TRMT11: variants seen among roughly 807,000 people sequenced by gnomAD.
TRMT11 encodes the protein tRNA (guanine(10)-N(2))-methyltransferase TRMT11.
TRMT11 carries 53 observed loss-of-function variants against 62.8 expected under a neutral mutation model. The ratio of observed to expected loss-of-function variants is 0.84; its 90% CI spans 0.68 to 1.06. TRMT11 has a LOEUF of 1.06. TRMT11 is among the 50% of genes least tolerant of loss of function. The probability of loss-of-function intolerance (pLI) is 0.00; values close to 1 mark genes in which losing one functional copy is unlikely to be tolerated. For synonymous variants in TRMT11, 188 were observed against 190.3 expected, an observed-to-expected ratio of 0.99 and a Z score of 0.10; for missense variants, 556 against 553.4, an observed-to-expected ratio of 1.00 and a Z score of -0.05.
intron 17 of TRMT11, among the ~76,000 whole-genome samples, chr6:126,089,840 C>G (rs1291967346): frequency 6.6e-6 from 1 of 152,008 alleles, no homozygotes; most frequent in Non-Finnish European, 1.5e-5. Context: ...GGATTTTTTT[C>G]CAATGTTAAA....
chr6:126,125,293 G>C lies in TRMT11; in HGVS notation c.*1823+9438G>C, dbSNP rs533204829. On this transcript the variant is annotated intron_variant and NMD_transcript_variant, in intron 21 of 22. Transcript: ENST00000648977. ...ATATGAAGAAATTTTAGGAGGAAGT[G>C]GGGGTAAACATGTGCTTTTACATTC... 1.1e-3 allele frequency among the ~76,000 whole-genome samples: 172 copies of C among 152,118 alleles called. 4 individuals are homozygous for C. The highest frequency in any genetic ancestry group is 0.011 in the Admixed American group (170 of 15,250).
At chr6:126,266,205 T>C in the TRMT11 span, among the ~76,000 whole-genome samples, 1 of 152,208 alleles carries the variant, frequency 6.6e-6, no homozygotes, top group East Asian at 1.9e-4. Flanking sequence ...TAGTGCGTGT[T>C]ATATCTTCCC....
At chr6:126,015,767 G>T (rs1794906339) in intron 11 of TRMT11, among the ~76,000 whole-genome samples, 1 of 152,114 alleles carries the variant, frequency 6.6e-6, no homozygotes, top group South Asian at 2.1e-4. Context: ...GTCTTCTGTG[G>T]TCTGGAATAT....
intron 8 of TRMT11, among the ~76,000 whole-genome samples, chr6:126,010,193 C>G (rs1793967372): frequency 6.6e-6 from 1 of 151,932 alleles, no homozygotes; most frequent in African/African-American, 2.4e-5. Flanking sequence ...GCCTATCATT[C>G]TGTTGAAAAC....
chr6:126,055,991 C>T (rs558176565), intron 17 of TRMT11, among the ~76,000 whole-genome samples: 1 of 152,246 alleles, frequency 6.6e-6, no homozygotes, highest in South Asian at 2.1e-4. Context: ...TGGCTTAGCT[C>T]AATGTCAAAC....
At chr6:125,997,553 G>A (rs1243253848) in intron 3 of TRMT11, among the ~76,000 whole-genome samples, 3 of 152,254 alleles carry the variant, frequency 2.0e-5, no homozygotes, top group Admixed American at 6.5e-5. Context: ...TGTTGTCCAT[G>A]CTGGAGTGCG....
chr6:126,061,417 T>G lies in TRMT11; in HGVS notation c.*1437+8227T>G, dbSNP rs145673689. ...AGGTGAATTATTTGTTTATTTAAAG[T>G]AAAATGGCCTGCTTTCTCTGAAATC... On this transcript the variant is annotated intron_variant and NMD_transcript_variant, in intron 17 of 22. Transcript: ENST00000648977. Among the ~76,000 whole-genome samples the G allele has an allele frequency of 5.5e-3, 834 of 152,342 alleles. 4 individuals carry two copies. The highest frequency in any genetic ancestry group is 0.024 in the Middle Eastern group (7 of 294).
chr6:126,115,031 G>A (rs1777571518), intron 19 of TRMT11, among the ~76,000 whole-genome samples: 1 of 151,860 alleles, frequency 6.6e-6, no homozygotes, highest in Non-Finnish European at 1.5e-5. Context: ...CATTCTCACC[G>A]CCAATCATTT....
chr6:126,098,835 A>G (rs1583874385), intron 17 of TRMT11, among the ~76,000 whole-genome samples: 2 of 152,190 alleles, frequency 1.3e-5, no homozygotes, highest in African/African-American at 4.8e-5. Flanking sequence ...TTCATGTTTC[A>G]GTAGTTTAGG....
chr6:126,099,050 C>T (rs890561827), intron 17 of TRMT11, among the ~76,000 whole-genome samples: 4 of 152,216 alleles, frequency 2.6e-5, no homozygotes, highest in South Asian at 2.1e-4. Flanking sequence ...AGTTGCTTCT[C>T]AGCCTCCCAC....
At chr6:126,271,929 G>A in the TRMT11 span, among the ~76,000 whole-genome samples, 1 of 152,122 alleles carries the variant, frequency 6.6e-6, no homozygotes, top group East Asian at 1.9e-4. Flanking sequence ...CAGACTGCAT[G>A]GACATGAAAT....
intron 21 of TRMT11, among the ~76,000 whole-genome samples, chr6:126,166,938 C>T (rs538852418): frequency 1.3e-5 from 2 of 152,252 alleles, no homozygotes; most frequent in South Asian, 4.1e-4. Context: ...CTACTCAAGC[C>T]TCAATAATGA....
At position 126,158,675 on chromosome 6, in the gene TRMT11, T is replaced by C. The variant is rs561343129; in HGVS notation, c.*1824-16150T>C. 6.6e-5 allele frequency among the ~76,000 whole-genome samples: 10 copies of C among 152,340 alleles called. No individual in the cohort carries two copies. The South Asian group carries it at 1.9e-3, about 28-fold the overall frequency. On this transcript the variant is annotated intron_variant and NMD_transcript_variant, in intron 21 of 22. Coordinates refer to the TRMT11 transcript ENST00000648977. Reference sequence around the variant, plus strand: ...TTACATTCTAAATGCCTTTTACTTATTGCATTTGGTATAAACCAGGTTGCA... The same window carrying C: ...TTACATTCTAAATGCCTTTTACTTACTGCATTTGGTATAAACCAGGTTGCA...
intron 17 of TRMT11, among the ~76,000 whole-genome samples, chr6:126,064,271 C>T (rs1452586532): frequency 6.6e-6 from 1 of 152,106 alleles, no homozygotes; most frequent in Non-Finnish European, 1.5e-5. Flanking sequence ...GGGCAGCCCA[C>T]GTGTCTCTGA....
chr6:126,039,672 T>A (rs1455310214), downstream of TRMT11, among the ~76,000 whole-genome samples: 3 of 152,106 alleles, frequency 2.0e-5, no homozygotes, highest in Non-Finnish European at 2.9e-5. Flanking sequence ...GTGTCCATCA[T>A]GAAAATATCT....
intron 21 of TRMT11, among the ~76,000 whole-genome samples, chr6:126,140,105 A>G (rs1777900587): frequency 6.6e-6 from 1 of 152,122 alleles, no homozygotes; most frequent in Non-Finnish European, 1.5e-5. Context: ...AGAAGATTAA[A>G]AATGAGGTAT....
chr6:126,037,539 G>A (rs1054406873), intron 12 of TRMT11, among the ~76,000 whole-genome samples: 5 of 151,990 alleles, frequency 3.3e-5, no homozygotes, highest in African/African-American at 1.2e-4. Flanking sequence ...ATACTTGGGT[G>A]CCATAAAATT....
intron 21 of TRMT11, among the ~76,000 whole-genome samples, chr6:126,125,927 T>C (rs1408564345): frequency 6.6e-6 from 1 of 152,156 alleles, no homozygotes; most frequent in Non-Finnish European, 1.5e-5. Flanking sequence ...CACACATGCA[T>C]GCACATTCTG....
chr6:126,232,814 T>A, the TRMT11 span, among the ~76,000 whole-genome samples: 4 of 152,178 alleles, frequency 2.6e-5, no homozygotes, highest in Non-Finnish European at 5.9e-5. Flanking sequence ...ATGTGCTGAA[T>A]CCATCATTTA....
Sources: allele counts gnomAD v4.1 joint callset (sites outside exome capture counted in the v4.1 genomes callset), GRCh38; gene constraint gnomAD v4.1.1; transcripts MANE v1.5; gene names NCBI Gene and HGNC (gene_info 2026-07-23, HGNC 2026-07-21).